ALCAM: variants seen among roughly 807,000 people sequenced by gnomAD.
The protein encoded by ALCAM is CD166 antigen.
Under a neutral mutation model 70.9 loss-of-function variants are expected in ALCAM, and 30 were observed. The ratio of observed to expected loss-of-function variants is 0.42; its 90% CI spans 0.32 to 0.57. ALCAM has a LOEUF of 0.57. Ranked by LOEUF, ALCAM falls within the 20% of genes least tolerant of loss-of-function variation. The pLI is 0.11. For missense variants in ALCAM, 591 were observed against 695.1 expected (o/e 0.85, Z 1.68); for synonymous variants, 249 against 242.5 (o/e 1.03, Z -0.25).
intron 1 of ALCAM, among the ~76,000 whole-genome samples, chr3:105,448,793 G>A (rs1406378807): frequency 6.6e-6 from 1 of 152,116 alleles, no homozygotes; most frequent in Non-Finnish European, 1.5e-5. Flanking sequence ...TGGACAAGAG[G>A]GTGACAGACA....
rs527718151 is a variant in ALCAM, at chr3:105,476,555, A to G, written c.74-43512A>G. On this transcript the variant is annotated intron_variant, in intron 1 of 15. Transcript: ENST00000306107. ...TTAGTATACTTTACTGGTTCCAGTTAGTATATTTATTCAACTGCCAGTTAA... is the reference window on the plus strand; with the variant it reads ...TTAGTATACTTTACTGGTTCCAGTTGGTATATTTATTCAACTGCCAGTTAA... Among the ~76,000 whole-genome samples, 13 of 152,148 alleles carry G rather than the reference A, an allele frequency of 8.5e-5. No individual in the cohort carries two copies. In the South Asian group the frequency reaches 2.7e-3, roughly 32 times the overall value.
chr3:105,460,855 A>G (rs556028013), intron 1 of ALCAM, among the ~76,000 whole-genome samples: 8 of 152,022 alleles, frequency 5.3e-5, no homozygotes, highest in Non-Finnish European at 1.2e-4. Flanking sequence ...TTCATTGATT[A>G]CTACTTTACT....
chr3:105,469,273 C>A (rs1305566869), intron 1 of ALCAM, among the ~76,000 whole-genome samples: 1 of 151,160 alleles, frequency 6.6e-6, no homozygotes, highest in Non-Finnish European at 1.5e-5. Flanking sequence ...GATGTTTTAG[C>A]CTTAGTATTT....
chr3:105,562,404 T>C (rs1940646003), intron 14 of ALCAM, among the ~76,000 whole-genome samples: 1 of 152,232 alleles, frequency 6.6e-6, no homozygotes, highest in Non-Finnish European at 1.5e-5. Flanking sequence ...AAAATAATCA[T>C]ATTGTTTACT....
At chr3:105,505,549 C>T (rs1050024227) in intron 1 of ALCAM, among the ~76,000 whole-genome samples, 9 of 152,150 alleles carry the variant, frequency 5.9e-5, no homozygotes, top group African/African-American at 2.2e-4. Context: ...ATATCATATG[C>T]CCAGCAGGAG....
At chr3:105,516,957 T>C (rs1437407388) in intron 1 of ALCAM, among the ~76,000 whole-genome samples, 1 of 152,114 alleles carries the variant, frequency 6.6e-6, no homozygotes, top group Non-Finnish European at 1.5e-5. Flanking sequence ...TCTAGTAAGC[T>C]AAACTCAATT....
intron 1 of ALCAM, among the ~76,000 whole-genome samples, chr3:105,408,920 A>G (rs1283949434): frequency 6.6e-6 from 1 of 152,144 alleles, no homozygotes; most frequent in Non-Finnish European, 1.5e-5. Flanking sequence ...AAGAAGATGT[A>G]CAATTGACCA....
intron 1 of ALCAM, among the ~76,000 whole-genome samples, chr3:105,394,630 A>G (rs1385195769): frequency 6.6e-6 from 1 of 152,008 alleles, no homozygotes; most frequent in Non-Finnish European, 1.5e-5. Context: ...CATGTAATAT[A>G]TTCCATAAAC....
At chr3:105,398,543 GTTTTCCAT>G (rs1936009622) in intron 1 of ALCAM, among the ~76,000 whole-genome samples, 1 of 151,984 alleles carries the variant, frequency 6.6e-6, no homozygotes, top group Admixed American at 6.6e-5. Flanking sequence ...TAGCCATCCA[GTTTTCCAT>G]AGTCTTTTAA....
intron 14 of ALCAM, among the ~76,000 whole-genome samples, chr3:105,560,800 G>A (rs936951591): frequency 2.2e-4 from 34 of 152,018 alleles, no homozygotes; most frequent in Non-Finnish European, 1.2e-4. Flanking sequence ...CCTTTCAGCC[G>A]TAACACATTT....
At chr3:105,497,963 G>A (rs1032467109) in intron 1 of ALCAM, among the ~76,000 whole-genome samples, 9 of 151,526 alleles carry the variant, frequency 5.9e-5, no homozygotes, top group African/African-American at 1.5e-4. Flanking sequence ...CCTGGGAGGC[G>A]GAGCTTGCAG....
chr3:105,512,644 A>T (rs982274480), intron 1 of ALCAM, among the ~76,000 whole-genome samples: 1 of 151,940 alleles, frequency 6.6e-6, no homozygotes. Context: ...TAGTTCCCAA[A>T]TGAAGTCAAC....
At chr3:105,519,788 C>T (rs1939481634) in intron 1 of ALCAM, among the ~76,000 whole-genome samples, 2 of 152,112 alleles carry the variant, frequency 1.3e-5, no homozygotes, top group South Asian at 4.1e-4. Context: ...CTTTGGAATA[C>T]ACCACTTACC....
chr3:105,561,950 G>C (rs959868336), intron 14 of ALCAM, among the ~76,000 whole-genome samples: 2 of 152,158 alleles, frequency 1.3e-5, no homozygotes, highest in African/African-American at 4.8e-5. Context: ...AGTGTCTACA[G>C]TTTTCACTAG....
chr3:105,475,236 G>A (rs1485837273), intron 1 of ALCAM, among the ~76,000 whole-genome samples: 1 of 151,902 alleles, frequency 6.6e-6, no homozygotes, highest in African/African-American at 2.4e-5. Flanking sequence ...AATGTAGAAG[G>A]TTTTAAGTTT....
intron 14 of ALCAM, among the ~76,000 whole-genome samples, chr3:105,554,693 A>G (rs1940479631): frequency 6.6e-6 from 1 of 151,996 alleles, no homozygotes; most frequent in Non-Finnish European, 1.5e-5. Flanking sequence ...TGTGCTATGT[A>G]AGTGAAAGGA....
chr3:105,425,810 A>G (rs368658833), intron 1 of ALCAM, among the ~76,000 whole-genome samples: 139 of 149,838 alleles, frequency 9.3e-4, no homozygotes, highest in African/African-American at 3.4e-3. Flanking sequence ...GAGTTGGGGT[A>G]TCAATCACAT....
intron 1 of ALCAM, among the ~76,000 whole-genome samples, chr3:105,379,052 A>G (rs1038569121): frequency 2.6e-5 from 4 of 152,008 alleles, no homozygotes; most frequent in African/African-American, 9.7e-5. Context: ...AGCTTGGGCT[A>G]TGGATCAGAG....
intron 1 of ALCAM, among the ~76,000 whole-genome samples, chr3:105,408,811 G>T (rs1936313489): frequency 6.6e-6 from 1 of 151,816 alleles, no homozygotes; most frequent in Admixed American, 6.6e-5. Flanking sequence ...TCTGACAAAG[G>T]ACTAATATCC....
Sources: gnomAD v4.1 joint callset for allele counts (sites outside exome capture counted in the v4.1 genomes callset) on GRCh38, gnomAD v4.1.1 for gene constraint, MANE v1.5 for transcripts, NCBI Gene and HGNC (gene_info 2026-07-23, HGNC 2026-07-21) for gene names.